Variants in SLC2A9 observed in about 807,000 individuals in gnomAD.
The protein encoded by SLC2A9 is solute carrier family 2, facilitated glucose transporter member 9.
Under a neutral mutation model 50.6 loss-of-function variants are expected in SLC2A9, and 39 were observed. That is an observed-to-expected ratio of 0.77 (90% CI 0.60 to 1.01). The LOEUF is 1.01. SLC2A9 is among the 50% of genes least tolerant of loss of function. The pLI is 0.00. For synonymous variants in SLC2A9, 324 were observed against 276.9 expected (o/e 1.17, Z -1.69); for missense variants, 686 against 677.6 (o/e 1.01, Z -0.14).
At chr4:9,923,695 C>G (rs1011859034) in intron 6 of SLC2A9, 3 of 152,268 alleles carry the variant, frequency 2.0e-5, no homozygotes, top group Admixed American at 2.0e-4. Context: ...ACAGAACGGA[C>G]AGTGTATGAG....
intron 8 of SLC2A9, among the ~76,000 whole-genome samples, chr4:9,901,998 A>G (rs1362928758): frequency 1.3e-5 from 2 of 152,174 alleles, no homozygotes; most frequent in Non-Finnish European, 2.9e-5. Flanking sequence ...CCCACCCTAC[A>G]TGCCCTCGGC....
At chr4:10,017,287 G>T (rs1762779310) in intron 2 of SLC2A9, among the ~76,000 whole-genome samples, 1 of 152,210 alleles carries the variant, frequency 6.6e-6, no homozygotes, top group Non-Finnish European at 1.5e-5. Context: ...CAAGCCATGA[G>T]TGCAAAGGTT....
rs796938852 is a variant in SLC2A9 at position 9,809,471 on chromosome 4, G to A, written n.421-10230C>T. Among the ~76,000 whole-genome samples, 66 of 152,318 alleles carry A rather than the reference G, an allele frequency of 4.3e-4. 2 individuals carry two copies. Among genetic ancestry groups the A allele is most frequent in the African/African-American group, 1.5e-3 (64 of 41,570 alleles). ...ACAGGGCGCCTGACTCTAGTCTCTT[G>A]TGTGTACTGGGGTGGAGAGAAGGGA... On this transcript the variant is annotated intron_variant and non_coding_transcript_variant, in intron 3 of 3. Transcript: ENST00000503280.
intron 10 of SLC2A9, among the ~76,000 whole-genome samples, chr4:9,856,764 C>T (rs1348920107): frequency 6.6e-6 from 1 of 152,138 alleles, no homozygotes; most frequent in Non-Finnish European, 1.5e-5. Flanking sequence ...ACATATACAC[C>T]ATGGAATACT....
chr4:9,859,794 T>G (rs1235212110), intron 10 of SLC2A9, among the ~76,000 whole-genome samples: 1 of 152,232 alleles, frequency 6.6e-6, no homozygotes, highest in Non-Finnish European at 1.5e-5. Flanking sequence ...AATGCTGATA[T>G]CAAAGCCCCT....
chr4:9,849,972 C>T (rs990379673), intron 10 of SLC2A9, among the ~76,000 whole-genome samples: 2 of 150,826 alleles, frequency 1.3e-5, no homozygotes, highest in African/African-American at 2.4e-5. Context: ...AAAAGATGGT[C>T]GAGCTAGGAG....
chr4:9,871,977 G>C (rs79026415), intron 10 of SLC2A9, among the ~76,000 whole-genome samples: 1 of 152,160 alleles, frequency 6.6e-6, no homozygotes, highest in East Asian at 1.9e-4. Context: ...GGGCTGGGAT[G>C]GCTGCTGAGG....
chr4:9,868,897 G>T (rs532236406), intron 10 of SLC2A9, among the ~76,000 whole-genome samples: 2 of 152,298 alleles, frequency 1.3e-5, no homozygotes, highest in Admixed American at 6.5e-5. Context: ...CTCTGTGTCT[G>T]CAGGAACACC....
chr4:9,931,926 C>CTCTCTCTCTCAA (rs1746024453), intron 6 of SLC2A9, among the ~76,000 whole-genome samples: 1 of 32,440 alleles, frequency 3.1e-5, no homozygotes, highest in Non-Finnish European at 4.9e-5. Context: ...CTCTCTCTCT[C>CTCTCTCTCTCAA]TCTCTCTCTC....
Position 9,850,522 on chromosome 4 carries a change from C to T in SLC2A9, c.1292-15514G>A, listed in dbSNP as rs185069208. Among the ~76,000 whole-genome samples the T allele has an allele frequency of 4.0e-3, 607 of 152,242 alleles. 5 individuals are homozygous for T. The highest frequency in any genetic ancestry group is 6.3e-3 in the Non-Finnish European group (430 of 67,996). On this transcript the variant is annotated intron_variant, in intron 10 of 11. Transcript: ENST00000264784. ...CTCTTGGGGCCCCAGCCTGGTTGTG[C>T]CCAGAGGGCAGTATCAGATGCCCAA...
intron 6 of SLC2A9, among the ~76,000 whole-genome samples, chr4:9,921,569 T>G (rs989736744): frequency 6.6e-6 from 1 of 152,244 alleles, no homozygotes; most frequent in Non-Finnish European, 1.5e-5. Flanking sequence ...AAAATGCTCT[T>G]CTTAAGCAAA....
At chr4:10,025,759 T>C, upstream of SLC2A9, 1 of 715,304 alleles carries the variant, frequency 1.4e-6, no homozygotes, top group South Asian at 1.6e-5. Context: ...CTCCTTCCCA[T>C]AGAACTTGGC....
At chr4:9,917,335 T>G (rs1267643900) in intron 7 of SLC2A9, among the ~76,000 whole-genome samples, 1 of 131,654 alleles carries the variant, frequency 7.6e-6, no homozygotes, top group Non-Finnish European at 1.6e-5. Flanking sequence ...CTTTTTTTTT[T>G]TTTTTTTTTT....
chr4:10,025,916 C>T (rs1358496583), upstream of SLC2A9: 5 of 1,611,838 alleles, frequency 3.1e-6, no homozygotes, highest in Non-Finnish European at 4.2e-6. Flanking sequence ...ATTTCTTTTT[C>T]GCTGAATCAC....
chr4:9,850,222 C>T (rs1729655594), intron 10 of SLC2A9, among the ~76,000 whole-genome samples: 1 of 152,162 alleles, frequency 6.6e-6, no homozygotes, highest in Non-Finnish European at 1.5e-5. Context: ...CATGGACCTC[C>T]AGAATCCTAG....
chr4:10,020,416 C>T (rs568302099), intron 1 of SLC2A9, among the ~76,000 whole-genome samples: 27 of 152,218 alleles, frequency 1.8e-4, no homozygotes, highest in African/African-American at 6.3e-4. Flanking sequence ...TGTTGAGGAG[C>T]CTGCTGCAGA....
chr4:9,891,863 G>C lies in SLC2A9; in HGVS notation c.1114-1152C>G, dbSNP rs1577729937. On this transcript the variant is annotated intron_variant, in intron 8 of 11. Transcript: ENST00000264784. ...CCCATCACGACAGTCATTTGGCTTGGACAAGGGGAAGCAGTGACGCTGCTG... is the reference window on the plus strand; with the variant it reads ...CCCATCACGACAGTCATTTGGCTTGCACAAGGGGAAGCAGTGACGCTGCTG... Among the ~76,000 whole-genome samples the C allele has an allele frequency of 2.6e-5, 4 of 152,344 alleles. 1 individual carries two copies. In the South Asian group the frequency reaches 8.3e-4, roughly 32 times the overall value.
intron 10 of SLC2A9, among the ~76,000 whole-genome samples, chr4:9,862,312 T>C (rs4697902): frequency 0.4 from 60,017 of 151,818 alleles, 12,899 homozygotes; most frequent in African/African-American, 0.54. Context: ...TTCCCCCAAG[T>C]TGCTGTCACT....
chr4:9,952,485 GC>G (rs1477965647), intron 5 of SLC2A9, among the ~76,000 whole-genome samples: 1 of 151,730 alleles, frequency 6.6e-6, no homozygotes, highest in African/African-American at 2.4e-5. Context: ...AGAACCATGA[GC>G]CAATTAAACC....
Sources: gnomAD v4.1 joint callset for allele counts (sites outside exome capture counted in the v4.1 genomes callset) on GRCh38, gnomAD v4.1.1 for gene constraint, MANE v1.5 for transcripts, NCBI Gene and HGNC (gene_info 2026-07-23, HGNC 2026-07-21) for gene names.